Variants in TMEM63C observed in about 807,000 individuals in gnomAD.
TMEM63C encodes transmembrane protein 63C, also known as osmosensitive cation channel TMEM63C.
TMEM63C carries 32 observed loss-of-function variants against 99.2 expected under a neutral mutation model. The observed-to-expected ratio is 0.32, with a 90% CI of 0.24 to 0.43. The LOEUF (loss-of-function observed/expected upper bound fraction) is 0.43, where lower values mean the gene tolerates loss of function less well. Ranked by LOEUF, TMEM63C falls within the 20% of genes least tolerant of loss-of-function variation. TMEM63C has a pLI of 1.00. For synonymous variants in TMEM63C, 376 were observed against 397.9 expected (o/e 0.94, Z 0.66); for missense variants, 826 against 1,053.0 (o/e 0.78, Z 2.98).
intron 1 of TMEM63C, among the ~76,000 whole-genome samples, chr14:77,210,377 G>T (rs1436228332): frequency 6.6e-6 from 1 of 152,138 alleles, no homozygotes; most frequent in Non-Finnish European, 1.5e-5. Flanking sequence ...CTCCATGTCT[G>T]CTGGAGACTC....
chr14:77,217,457 C>A (rs940218354), intron 2 of TMEM63C, among the ~76,000 whole-genome samples: 1 of 152,208 alleles, frequency 6.6e-6, no homozygotes, highest in African/African-American at 2.4e-5. Flanking sequence ...TTATCTTGTT[C>A]ACTGGTGCAT....
intron 2 of TMEM63C, among the ~76,000 whole-genome samples, chr14:77,217,281 T>G (rs926057018): frequency 6.6e-5 from 10 of 152,114 alleles, no homozygotes; most frequent in Admixed American, 5.2e-4. Flanking sequence ...CTCCTCCACT[T>G]AAAGTGCTCT....
intron 8 of TMEM63C, 129 bp downstream of exon 8, chr14:77,233,629 G>T: frequency 1.0e-6 from 1 of 964,272 alleles, no homozygotes; most frequent in Non-Finnish European, 1.6e-6. Flanking sequence ...CCTGGGAATC[G>T]GGTCCTGAGT....
chr14:77,243,537 T>C (rs1460022706), intron 15 of TMEM63C, among the ~76,000 whole-genome samples: 2 of 152,046 alleles, frequency 1.3e-5, no homozygotes, highest in African/African-American at 4.8e-5. Context: ...GAGCTCAAGA[T>C]CTGCCTCCAC....
In TMEM63C at chr14:77,236,745, C is replaced by G. The variant is rs748924539; in HGVS notation, c.651+13C>G. ...GAATAGCCAAAAGGTAAGTAGCCTA[C>G]AAAGCTGCTTCCCACTGTGGGAAGC... On this transcript the variant is annotated intron_variant, in intron 9 of 23. Transcript: ENST00000298351. 2 of 1,576,114 alleles carry G rather than the reference C, an allele frequency of 1.3e-6. No homozygotes were observed. The highest frequency in any genetic ancestry group is 1.1e-5 in the South Asian group (1 of 90,370).
At chr14:77,248,288 A>G (rs1293636497) in intron 18 of TMEM63C, 59 bp from the exon 19 acceptor site, 1 of 1,490,158 alleles carries the variant, frequency 6.7e-7, no homozygotes, top group Non-Finnish European at 9.2e-7. Flanking sequence ...CCTCCCTTTT[A>G]ACATCTCTCC....
At chr14:77,192,832 G>A (rs976782143) in intron 1 of TMEM63C, among the ~76,000 whole-genome samples, 12 of 151,772 alleles carry the variant, frequency 7.9e-5, no homozygotes, top group Admixed American at 7.2e-4. Context: ...AGAAGAGGAA[G>A]AAGAAGAAGA....
At chr14:77,248,150 C>G (rs916842615) in intron 18 of TMEM63C, among the ~76,000 whole-genome samples, 197 bp from the exon 19 acceptor site, 1 of 152,088 alleles carries the variant, frequency 6.6e-6, no homozygotes, top group African/African-American at 2.4e-5. Context: ...TTGTTAACTT[C>G]ATTGGGTTGG....
chr14:77,244,323 T>C (rs1351917203), intron 15 of TMEM63C, 26 bp from the exon 16 acceptor site: 1 of 1,551,028 alleles, frequency 6.4e-7, no homozygotes, highest in African/African-American at 1.4e-5. Context: ...ACGTCTCTCC[T>C]GCCGTCCTCC....
intron 1 of TMEM63C, among the ~76,000 whole-genome samples, chr14:77,192,741 G>A (rs1888131353): frequency 6.6e-6 from 1 of 151,806 alleles, no homozygotes; most frequent in South Asian, 2.1e-4. Flanking sequence ...CTCCAGCCTG[G>A]GCAACAGAGT....
At chr14:77,191,855 TTTCTTAGTGATA>T (rs1306058531) in intron 1 of TMEM63C, among the ~76,000 whole-genome samples, 1 of 152,216 alleles carries the variant, frequency 6.6e-6, no homozygotes, top group East Asian at 1.9e-4. Context: ...AGTTCTCCAT[TTTCTTAGTGATA>T]TTCTGTCTGG....
rs985241828 is a variant in TMEM63C, at chr14:77,194,519, TTC to T, written c.-77+12627_-77+12628del. ...TTTCTTTCTTTCTTTCTTTCTTTCT[TTC>T]TTTCTTTCTTTCTTTCTTTCTTTCT... On this transcript the variant is annotated intron_variant, in intron 1 of 23. Transcript: ENST00000298351. 1.5e-4 allele frequency among the ~76,000 whole-genome samples: 6 copies of T among 40,680 alleles called. 1 individual carries two copies. The highest frequency in any genetic ancestry group is 7.4e-4 in the African/African-American group (6 of 8,124). 26.7% of individuals were successfully genotyped at this position (40,680 alleles called of 152,430 possible).
At position 77,226,567 on chromosome 14, in the gene TMEM63C, A is replaced by G. The variant is rs1253046144; in HGVS notation, c.350+1106A>G. Among the ~76,000 whole-genome samples the G allele has an allele frequency of 2.0e-5, 3 of 152,162 alleles. 1 individual carries two copies. Among genetic ancestry groups the G allele is most frequent in the African/African-American group, 7.2e-5 (3 of 41,434 alleles). ...GGAAAAGTATAGTTTTGAGCTGGGC[A>G]TTGGAGGACAGGAAGAGTTTCGACA... On this transcript the variant is annotated intron_variant, in intron 6 of 23. Transcript: ENST00000298351.
intron 1 of TMEM63C, among the ~76,000 whole-genome samples, chr14:77,206,984 AC>A (rs1487032091): frequency 7.2e-5 from 11 of 151,804 alleles, no homozygotes. Context: ...GCATGAAGTC[AC>A]CTGTCCTCCT....
At chr14:77,249,516 C>T (rs1167859540) in intron 21 of TMEM63C, 58 bp downstream of exon 21, 22 of 1,573,800 alleles carry the variant, frequency 1.4e-5, no homozygotes, top group Non-Finnish European at 1.7e-5. Context: ...TTCTGTGAGT[C>T]CCTTAACACT....
At position 77,256,788 on chromosome 14, in the gene TMEM63C, AGGCAGGAGGGTGGC is replaced by A; in HGVS notation, c.*63_*76del. The A allele has an allele frequency of 6.5e-7, 1 of 1,543,602 alleles. No individual in the cohort carries two copies. Among genetic ancestry groups the A allele is most frequent in the Non-Finnish European group, 8.9e-7 (1 of 1,129,216 alleles). On this transcript the variant is annotated 3_prime_UTR_variant, in exon 24 of 24. Coordinates refer to ENST00000298351, the MANE Select transcript of TMEM63C (RefSeq NM_020431.4). Reference sequence around the variant, plus strand: ...GGTCAGGGGAGGGCCTGGCAAGGGGAGGCAGGAGGGTGGCCTGGACCTCCCCACTACCTCCTGCA... The same window carrying A: ...GGTCAGGGGAGGGCCTGGCAAGGGGACTGGACCTCCCCACTACCTCCTGCA...
rs1294434386 is a variant in TMEM63C, at chr14:77,240,601, G to T, written c.1057G>T (p.Ala353Ser). ...TGTCACCTTCCAGGACTCCAGGATG[G>T]CCAAGCGGTGAGCACCAGGCAGGCG... ...IFVTFQDSRMAKRVRKDYKYV... is the reference protein window; with the variant it reads ...IFVTFQDSRMSKRVRKDYKYV... The change falls in exon 13 of 24, where the codon GCC (alanine) becomes TCC (serine). Residue 353 changes from alanine to serine, a missense_variant. Physicochemically the swap from Ala to Ser is moderately conservative, Grantham distance 99. Transcript: ENST00000298351. 1 of 1,609,006 alleles carries T rather than the reference G, an allele frequency of 6.2e-7. No individual in the cohort carries two copies.
chr14:77,186,775 G>GA (rs1265699164), intron 1 of TMEM63C, among the ~76,000 whole-genome samples: 3 of 125,482 alleles, frequency 2.4e-5, no homozygotes, highest in South Asian at 5.5e-4. Flanking sequence ...AGAACCAAAG[G>GA]GGTGTGTGTG....
intron 17 of TMEM63C, 131 bp from the exon 18 acceptor site, chr14:77,246,478 G>C (rs1017317270): frequency 2.6e-6 from 2 of 776,054 alleles, no homozygotes; most frequent in East Asian, 2.7e-5. Flanking sequence ...AGGAAGAGGG[G>C]AAGTGTGGAC....
Sources: allele counts gnomAD v4.1 joint callset (sites outside exome capture counted in the v4.1 genomes callset), GRCh38; gene constraint gnomAD v4.1.1; transcripts MANE v1.5; gene names NCBI Gene and HGNC (gene_info 2026-07-23, HGNC 2026-07-21).